SMIM17: variants seen among roughly 807,000 people sequenced by gnomAD.
The protein encoded by SMIM17 is small integral membrane protein 17.
SMIM17 carries 10 observed loss-of-function variants against 12.2 expected under a neutral mutation model. That is an observed-to-expected ratio of 0.82 (90% CI 0.50 to 1.39). The LOEUF is 1.39. Among genes scored for constraint, SMIM17 ranks in the 40% most tolerant of loss-of-function variants. SMIM17 has a pLI of 0.00. For synonymous variants in SMIM17, 50 were observed against 44.1 expected (o/e 1.13, Z -0.53); for missense variants, 136 against 118.2 (o/e 1.15, Z -0.70).
intron 1 of SMIM17, among the ~76,000 whole-genome samples, chr19:56,644,729 A>G (rs937499206): frequency 2.0e-5 from 3 of 152,174 alleles, no homozygotes; most frequent in Non-Finnish European, 4.4e-5. Flanking sequence ...ACCTATATTT[A>G]ATTTTCATTT....
At chr19:56,643,616 G>A (rs2045040678) in intron 1 of SMIM17, among the ~76,000 whole-genome samples, 1 of 152,184 alleles carries the variant, frequency 6.6e-6, no homozygotes, top group African/African-American at 2.4e-5. Context: ...CTGCCCGAGT[G>A]TGCACCTGTG....
intron 1 of SMIM17, among the ~76,000 whole-genome samples, chr19:56,644,256 A>G (rs946508801): frequency 2.6e-5 from 4 of 151,796 alleles, no homozygotes; most frequent in Non-Finnish European, 4.4e-5. Flanking sequence ...GAACTCCCTA[A>G]TGGTACTCTC....
intron 3 of SMIM17, among the ~76,000 whole-genome samples, chr19:56,652,445 G>C (rs1344974145): frequency 6.6e-6 from 1 of 152,020 alleles, no homozygotes; most frequent in Non-Finnish European, 1.5e-5. Flanking sequence ...ACGGGGTCAG[G>C]AGTTCAAGAC....
intron 3 of SMIM17, among the ~76,000 whole-genome samples, chr19:56,653,657 A>G (rs550175471): frequency 1.3e-5 from 2 of 152,340 alleles, no homozygotes; most frequent in South Asian, 2.1e-4. Context: ...CAAGATATTC[A>G]AAAACCTCTC....
chr19:56,643,370 G>C (rs2045038392), intron 1 of SMIM17, among the ~76,000 whole-genome samples, 160 bp downstream of exon 1: 1 of 152,204 alleles, frequency 6.6e-6, no homozygotes, highest in African/African-American at 2.4e-5. Context: ...GATAGGGTCC[G>C]GGGAGAGGGC....
chr19:56,648,134 CCATCCAT>C lies in SMIM17; in HGVS notation c.246+502_246+508del, dbSNP rs1426864885. 7.0e-4 allele frequency among the ~76,000 whole-genome samples: 5 copies of C among 7,098 alleles called. No individual in the cohort carries two copies. The African/African-American group carries it at 9.1e-3, about 13-fold the overall frequency. 4.7% of individuals were successfully genotyped at this position (7,098 alleles called of 152,430 possible). On this transcript the variant is annotated intron_variant, in intron 3 of 3. Coordinates refer to ENST00000598409, the MANE Select transcript of SMIM17 (RefSeq NM_001193628.2). ...ATACTTCATCTGTTTATCCACTTAT[CCATCCAT>C]CCATCCATCCATCCATCCATCCATC...
intron 2 of SMIM17, 135 bp from the exon 3 acceptor site, chr19:56,647,423 G>GAGAGAGAGAGAGAGAGAGAC (rs1386236275): frequency 4.2e-5 from 7 of 167,852 alleles, no homozygotes; most frequent in Middle Eastern, 2.2e-3. Context: ...AGGAGGGTGA[G>GAGAGAGAGAGAGAGAGAGAC]AGAGAGAGAG....
chr19:56,647,399 G>A (rs1402543594), intron 2 of SMIM17, among the ~76,000 whole-genome samples, 159 bp from the exon 3 acceptor site: 1 of 149,972 alleles, frequency 6.7e-6, no homozygotes, highest in African/African-American at 2.5e-5. Flanking sequence ...GTGTGTGAGA[G>A]AGAGAGAGAG....
rs1315806961 is a variant in SMIM17, at chr19:56,655,208, A to G, written c.352A>G (p.Ile118Val). 3 of 701,982 alleles carry G rather than the reference A, an allele frequency of 4.3e-6. No individual in the cohort carries two copies. The highest frequency in any genetic ancestry group is 5.2e-6 in the Non-Finnish European group (2 of 384,508). 43.5% of individuals were successfully genotyped at this position (701,982 alleles called of 1,614,324 possible). A position where few individuals can be genotyped will look rare whatever the true frequency, so the allele number is the denominator to read the frequency against. The change falls in exon 4 of 4, where the codon ATT becomes GTT. Residue 118 changes from isoleucine to valine, a missense_variant. By Grantham distance (29) the Ile-to-Val change is conservative. Transcript: ENST00000598409. Reference protein sequence around the residue: ...VLTGMPMMFHI With the variant: ...VLTGMPMMFHV Reference sequence around the variant, plus strand: ...AACGGGGATGCCTATGATGTTTCACATTTAACTATAATGGTGGCTGTTGTT... The same window carrying G: ...AACGGGGATGCCTATGATGTTTCACGTTTAACTATAATGGTGGCTGTTGTT...
chr19:56,645,743 A>G lies in SMIM17; in HGVS notation c.76A>G (p.Ser26Gly), dbSNP rs1236452073. ...GACCAAGACTCTGCTGCCTCGGGAGAGCCGGGCCTGGGAGAAGCCTCCTCA... is the reference window on the plus strand; with the variant it reads ...GACCAAGACTCTGCTGCCTCGGGAGGGCCGGGCCTGGGAGAAGCCTCCTCA... ...ERTKTLLPRE[S>G]RAWEKPPHPA... is the part of the protein sequence containing the mutation. The change falls in exon 2 of 4, where the codon AGC (serine) becomes GGC (glycine). Residue 26 changes from serine to glycine, a missense_variant. Physicochemically the swap from Ser to Gly is moderately conservative, Grantham distance 56 (BLOSUM62 0). Coordinates refer to ENST00000598409, the MANE Select transcript of SMIM17 (RefSeq NM_001193628.2). 1.3e-6 allele frequency: 2 copies of G among 1,535,744 alleles called. No individual in the cohort carries two copies. The highest frequency in any genetic ancestry group is 8.7e-7 in the Non-Finnish European group (1 of 1,146,812).
Position 56,647,630 on chromosome 19 carries a change from C to G in SMIM17, c.242C>G (p.Ser81Cys), listed in dbSNP as rs1432547879. ...SVEEDDESEG[S>C]QGFVEWSKAP... ...GAGGAAGATGACGAATCAGAGGGCT[C>G]CCAGGTACACTGGGGGGTTTGTTCT... is the stretch of plus-strand genomic sequence containing the variant. Residue 81 changes from serine to cysteine, a missense_variant, in exon 3 of 4, where the codon TCC (serine) becomes TGC (cysteine). Ser to Cys is a moderately radical substitution (Grantham distance 112, BLOSUM62 -1). Transcript: ENST00000598409. The G allele has an allele frequency of 2.0e-6, 3 of 1,535,540 alleles. No homozygotes were observed. The highest frequency in any genetic ancestry group is 2.6e-6 in the Non-Finnish European group (3 of 1,146,658).
At position 56,654,965 on chromosome 19, in the gene SMIM17, G is replaced by A. The variant is rs1235340534; in HGVS notation, c.247-138G>A. On this transcript the variant is annotated intron_variant, in intron 3 of 3. Coordinates refer to ENST00000598409, the MANE Select transcript of SMIM17 (RefSeq NM_001193628.2). ...CTTTTGTTTATCTTATATCTACTCAGTTGTACCGTTTTAAATTCAAACAGC... is the reference window on the plus strand; with the variant it reads ...CTTTTGTTTATCTTATATCTACTCAATTGTACCGTTTTAAATTCAAACAGC... The A allele has an allele frequency of 7.9e-6, 4 of 507,296 alleles. 1 individual carries two copies. In the East Asian group the frequency reaches 1.2e-4, roughly 15 times the overall value. The allele number at this position is 507,296 out of a possible 1,614,324, so 31.4% of individuals were successfully genotyped here. A position where few individuals can be genotyped will look rare whatever the true frequency, so the allele number is the denominator to read the frequency against.
chr19:56,648,375 T>TTCCATGCATCCATATACCCATTCCA (rs2045083323), intron 3 of SMIM17, among the ~76,000 whole-genome samples: 1 of 146,240 alleles, frequency 6.8e-6, no homozygotes, highest in Non-Finnish European at 1.5e-5. Context: ...CATATACCCA[T>TTCCATGCATCCATATACCCATTCCA]TCCATCCATC....
At chr19:56,644,272 C>G (rs2045045386) in intron 1 of SMIM17, among the ~76,000 whole-genome samples, 1 of 152,160 alleles carries the variant, frequency 6.6e-6, no homozygotes, top group Non-Finnish European at 1.5e-5. Context: ...CTCTCTAACA[C>G]TCTTTCCCAC....
In SMIM17 at chr19:56,655,195, T is replaced by C; in HGVS notation, c.339T>C (p.Pro113=). The change falls in exon 4 of 4, where the codon CCT becomes CCC. Residue 113 remains proline, a synonymous_variant. Coordinates refer to ENST00000598409, the MANE Select transcript of SMIM17 (RefSeq NM_001193628.2). ...TGTTCCTGGTTTTAACGGGGATGCC[T>C]ATGATGTTTCACATTTAACTATAAT... is the stretch of plus-strand genomic sequence containing the variant. ...LFLFLVLTGM[P]MMFHI 1 of 702,620 alleles carries C rather than the reference T, an allele frequency of 1.4e-6. No homozygotes were observed. Among genetic ancestry groups the C allele is most frequent in the Non-Finnish European group, 2.6e-6 (1 of 384,768 alleles). 43.5% of individuals were successfully genotyped at this position (702,620 alleles called of 1,614,324 possible). A position where few individuals can be genotyped will look rare whatever the true frequency, so the allele number is the denominator to read the frequency against.
chr19:56,647,080 G>A (rs558886009), intron 2 of SMIM17, among the ~76,000 whole-genome samples: 18 of 152,204 alleles, frequency 1.2e-4, no homozygotes, highest in Admixed American at 5.9e-4. Flanking sequence ...TTCTGACTAT[G>A]GGGACATGTC....
intron 3 of SMIM17, 121 bp from the exon 4 acceptor site, chr19:56,654,982 T>A: frequency 2.0e-6 from 1 of 502,996 alleles, no homozygotes. Flanking sequence ...CGTTTTAAAT[T>A]CAAACAGCTT....
intron 3 of SMIM17, among the ~76,000 whole-genome samples, chr19:56,648,940 G>A (rs2045088707): frequency 6.6e-6 from 1 of 152,176 alleles, no homozygotes; most frequent in Admixed American, 6.5e-5. Context: ...ATCATGTCAG[G>A]AATGTAACTC....
At position 56,655,610 on chromosome 19, in the gene SMIM17, T is replaced by G; in HGVS notation, c.*397T>G. 4.9e-6 allele frequency: 1 copy of G among 204,718 alleles called. No homozygotes were observed. Among genetic ancestry groups the G allele is most frequent in the Non-Finnish European group, 9.7e-6 (1 of 102,694 alleles). 12.7% of individuals were successfully genotyped at this position (204,718 alleles called of 1,614,324 possible). On this transcript the variant is annotated 3_prime_UTR_variant, in exon 4 of 4. Transcript: ENST00000598409. ...AGGTTTTGGTGCACCAGTCTTTTCA[T>G]ACACTAGATTATATTTATTGATATT... is the stretch of plus-strand genomic sequence containing the variant.
Sources: allele counts gnomAD v4.1 joint callset (sites outside exome capture counted in the v4.1 genomes callset), GRCh38; gene constraint gnomAD v4.1.1; transcripts MANE v1.5; gene names NCBI Gene and HGNC (gene_info 2026-07-23, HGNC 2026-07-21).